The following SUGCT variants were observed in gnomAD, a reference collection of about 807,000 sequenced individuals.
The protein encoded by SUGCT is succinyl-CoA:glutarate-CoA transferase.
SUGCT carries 41 observed loss-of-function variants against 55.0 expected under a neutral mutation model. The ratio of observed to expected loss-of-function variants is 0.74; its 90% confidence interval spans 0.58 to 0.97. The LOEUF is 0.97. Among genes scored for constraint, SUGCT ranks in the 50% least tolerant of loss-of-function variants. The pLI is 0.00. For synonymous variants in SUGCT, 187 were observed against 200.4 expected, an observed-to-expected ratio of 0.93 and a Z score of 0.56; for missense variants, 568 against 547.8, an observed-to-expected ratio of 1.04 and a Z score of -0.37.
intron 12 of SUGCT, among the ~76,000 whole-genome samples, chr7:40,742,924 C>T (rs915545474): frequency 1.8e-4 from 28 of 152,106 alleles, no homozygotes; most frequent in Admixed American, 1.8e-3. Context: ...GAATATTACT[C>T]CAGTGTTTTT....
At chr7:40,787,741 A>G (rs1419113102) in intron 13 of SUGCT, among the ~76,000 whole-genome samples, 1 of 149,772 alleles carries the variant, frequency 6.7e-6, no homozygotes, top group Admixed American at 6.7e-5. Context: ...GCAGGCTAGC[A>G]TGATAGAAAA....
chr7:40,859,544 G>C (rs73312299), intron 13 of SUGCT, among the ~76,000 whole-genome samples: 2,541 of 152,318 alleles, frequency 0.017, 61 homozygotes, highest in African/African-American at 0.058. Context: ...AGCTTCAAGA[G>C]AGATGTTGTG....
At chr7:40,748,136 T>C (rs940365725) in intron 12 of SUGCT, among the ~76,000 whole-genome samples, 2 of 152,124 alleles carry the variant, frequency 1.3e-5, no homozygotes, top group Non-Finnish European at 2.9e-5. Flanking sequence ...TAGATACCTA[T>C]CTCGGTCCCA....
At chr7:40,780,769 C>G (rs1265153808) in intron 13 of SUGCT, among the ~76,000 whole-genome samples, 1 of 133,784 alleles carries the variant, frequency 7.5e-6, no homozygotes. Context: ...CTTTCTTCTT[C>G]TTCTTCTTTT....
intron 12 of SUGCT, among the ~76,000 whole-genome samples, chr7:40,559,228 C>T (rs1489286283): frequency 2.0e-5 from 3 of 152,206 alleles, no homozygotes; most frequent in Admixed American, 6.5e-5. Flanking sequence ...TGCTCCATCT[C>T]CTTACATGTC....
intron 9 of SUGCT, among the ~76,000 whole-genome samples, chr7:40,445,216 T>C (rs1306129337): frequency 6.6e-6 from 1 of 151,968 alleles, no homozygotes; most frequent in Non-Finnish European, 1.5e-5. Flanking sequence ...GGAGCTAGCT[T>C]TTTGAAAAGA....
chr7:40,504,250 C>T (rs1472861377), intron 12 of SUGCT, among the ~76,000 whole-genome samples: 3 of 134,758 alleles, frequency 2.2e-5, no homozygotes, highest in Non-Finnish European at 4.4e-5. Context: ...TTTTAAAAAA[C>T]AAACAAACAA....
intron 12 of SUGCT, chr7:40,684,120 A>C (rs762461579): frequency 1.2e-6 from 2 of 1,608,752 alleles, no homozygotes; most frequent in South Asian, 2.2e-5. Context: ...CTTCATCTTC[A>C]AGGATCAGCA....
intron 9 of SUGCT, among the ~76,000 whole-genome samples, chr7:40,432,937 G>A (rs966798600): frequency 6.6e-6 from 1 of 151,678 alleles, no homozygotes; most frequent in African/African-American, 2.4e-5. Flanking sequence ...TATATAATGT[G>A]CCTATGGATC....
intron 9 of SUGCT, among the ~76,000 whole-genome samples, chr7:40,355,398 C>A (rs1289425919): frequency 2.0e-5 from 3 of 152,098 alleles, no homozygotes; most frequent in Non-Finnish European, 4.4e-5. Context: ...TGTTTTGTAA[C>A]CTGTAGGTAA....
chr7:40,709,095 T>C (rs956829401), intron 12 of SUGCT, among the ~76,000 whole-genome samples: 4 of 152,216 alleles, frequency 2.6e-5, no homozygotes, highest in African/African-American at 9.7e-5. Flanking sequence ...CTGTCAGGAA[T>C]TATGATGACA....
At chr7:40,852,263 A>G (rs1366714261) in intron 13 of SUGCT, among the ~76,000 whole-genome samples, 1 of 152,136 alleles carries the variant, frequency 6.6e-6, no homozygotes, top group Non-Finnish European at 1.5e-5. Flanking sequence ...TGGCCCATGT[A>G]TTAATCAGTG....
Position 40,171,765 on chromosome 7 carries a change from G to T in SUGCT, c.101-9182G>T, listed in dbSNP as rs113101339. On this transcript the variant is annotated intron_variant, in intron 1 of 13. Transcript: ENST00000335693. ...GCAGGTTAGTGGATTAAGAATTTTT[G>T]ATAGGAAGGCTAGGTATGTGTTGTC... 3.5e-3 allele frequency among the ~76,000 whole-genome samples: 528 copies of T among 152,276 alleles called. 6 individuals are homozygous for T. Among genetic ancestry groups the T allele is most frequent in the African/African-American group, 0.011 (477 of 41,556 alleles).
At chr7:40,661,783 A>T (rs1801311438) in intron 12 of SUGCT, among the ~76,000 whole-genome samples, 1 of 152,058 alleles carries the variant, frequency 6.6e-6, no homozygotes, top group Non-Finnish European at 1.5e-5. Flanking sequence ...GCAACACAAC[A>T]TCCTCTTGGA....
At chr7:40,461,772 G>C (rs6462982) in intron 11 of SUGCT, among the ~76,000 whole-genome samples, 21,202 of 152,120 alleles carry the variant, frequency 0.14, 3,616 homozygotes, top group African/African-American at 0.41. Flanking sequence ...CACAAAAAAG[G>C]AGCCAGGGAG....
At chr7:40,606,849 G>A (rs1276902533) in intron 12 of SUGCT, among the ~76,000 whole-genome samples, 1 of 152,150 alleles carries the variant, frequency 6.6e-6, no homozygotes, top group Non-Finnish European at 1.5e-5. Context: ...ACATGATGGA[G>A]CATCAGAGAT....
chr7:40,701,894 CTT>C (rs898561489), intron 12 of SUGCT, among the ~76,000 whole-genome samples: 2 of 152,186 alleles, frequency 1.3e-5, no homozygotes, highest in African/African-American at 2.4e-5. Flanking sequence ...GCTCTAAAAA[CTT>C]AGCCTCAGAT....
At position 40,794,958 on chromosome 7, in the gene SUGCT, A is replaced by ACAT. The variant is rs1423011049; in HGVS notation, c.1153+45463_1153+45465dup. Among the ~76,000 whole-genome samples the ACAT allele has an allele frequency of 2.0e-5, 3 of 152,130 alleles. No individual in the cohort carries two copies. The East Asian group carries it at 5.8e-4, about 29-fold the overall frequency. ...CAAGAATTTATGGGAATTTTAATAA[A>ACAT]CATCTTTTTCAATATGCTAATATAT... On this transcript the variant is annotated intron_variant, in intron 13 of 13. Coordinates refer to ENST00000335693, the MANE Select transcript of SUGCT (RefSeq NM_001193313.2).
intron 9 of SUGCT, among the ~76,000 whole-genome samples, chr7:40,397,136 C>T (rs980987908): frequency 2.0e-5 from 3 of 152,136 alleles, no homozygotes; most frequent in Admixed American, 1.3e-4. Context: ...TCCTTTCCAG[C>T]GATATCTCCC....
Sources: allele counts gnomAD v4.1 joint callset (sites outside exome capture counted in the v4.1 genomes callset), GRCh38; gene constraint gnomAD v4.1.1; transcripts MANE v1.5; gene names NCBI Gene and HGNC (gene_info 2026-07-23, HGNC 2026-07-21).